ATP11A: variants seen among roughly 807,000 people sequenced by gnomAD.
ATP11A encodes the protein phospholipid-transporting ATPase IH.
Under a neutral mutation model 154.4 loss-of-function variants are expected in ATP11A, and 81 were observed. The ratio of observed to expected loss-of-function variants is 0.52; its 90% CI spans 0.44 to 0.63. The LOEUF (loss-of-function observed/expected upper bound fraction) is 0.63, where lower values mean the gene tolerates loss of function less well. Among genes scored for constraint, ATP11A ranks in the 30% least tolerant of loss-of-function variants. The pLI is 0.00. For synonymous variants in ATP11A, 623 were observed against 585.9 expected, an observed-to-expected ratio of 1.06 and a Z score of -0.91; for missense variants, 1,316 against 1,474.3, an observed-to-expected ratio of 0.89 and a Z score of 1.76.
At chr13:112,845,885 C>T (rs563409210) in intron 17 of ATP11A, among the ~76,000 whole-genome samples, 5 of 152,122 alleles carry the variant, frequency 3.3e-5, no homozygotes, top group East Asian at 1.9e-4. Context: ...GTTCATTTGC[C>T]GGGCACTCGC....
chr13:112,801,997 T>C (rs2078146134), intron 2 of ATP11A, among the ~76,000 whole-genome samples: 1 of 152,208 alleles, frequency 6.6e-6, no homozygotes, highest in Non-Finnish European at 1.5e-5. Flanking sequence ...TAGCCCACTT[T>C]AGGACTTACT....
At chr13:112,808,976 G>A (rs77530777) in intron 4 of ATP11A, among the ~76,000 whole-genome samples, 5 of 152,184 alleles carry the variant, frequency 3.3e-5, no homozygotes, top group African/African-American at 7.2e-5. Context: ...GCGTCTTCCC[G>A]CAGCCCGGGC....
rs113440456 is a variant in ATP11A at position 112,843,710 on chromosome 13, G to T, written c.1809+1331G>T. On this transcript the variant is annotated intron_variant, in intron 17 of 29. Transcript: ENST00000375645. ...TCAGTCGCAACACTTGATTACTGTA[G>T]ATGTCAGAGCATTAAGAATTCCTGC... is the stretch of plus-strand genomic sequence containing the variant. Among the ~76,000 whole-genome samples, 1,277 of 152,326 alleles carry T rather than the reference G, an allele frequency of 8.4e-3. 20 individuals are homozygous for T. The highest frequency in any genetic ancestry group is 0.053 in the East Asian group (272 of 5,180).
intron 12 of ATP11A, among the ~76,000 whole-genome samples, chr13:112,827,689 G>A (rs1200990500): frequency 6.6e-6 from 1 of 152,214 alleles, no homozygotes; most frequent in South Asian, 2.1e-4. Context: ...GATTTTGAAG[G>A]ATATTTTAGC....
chr13:112,832,484 C>T (rs1190406242), intron 13 of ATP11A, among the ~76,000 whole-genome samples: 2 of 152,214 alleles, frequency 1.3e-5, no homozygotes, highest in Non-Finnish European at 2.9e-5. Flanking sequence ...AGGGCAGAGG[C>T]ACAGCCAGGG....
intron 16 of ATP11A, among the ~76,000 whole-genome samples, chr13:112,840,579 C>T (rs1395697481): frequency 1.4e-5 from 2 of 144,412 alleles, no homozygotes; most frequent in African/African-American, 5.1e-5. Context: ...CTCCGTCCTC[C>T]CCCATGCCCT....
chr13:112,809,174 T>C (rs567382106), intron 4 of ATP11A, among the ~76,000 whole-genome samples: 46 of 152,098 alleles, frequency 3.0e-4, no homozygotes, highest in Non-Finnish European at 5.0e-4. Flanking sequence ...AACCCAGGAA[T>C]CATCTACCCA....
chr13:112,858,588 T>A (rs2080005215), intron 22 of ATP11A: 1 of 268,354 alleles, frequency 3.7e-6, no homozygotes, highest in South Asian at 5.5e-5. Flanking sequence ...TGATGAAGTC[T>A]CACGCCGTCC....
At chr13:112,796,282 A>G (rs1427542262) in intron 2 of ATP11A, among the ~76,000 whole-genome samples, 1 of 152,220 alleles carries the variant, frequency 6.6e-6, no homozygotes, top group Non-Finnish European at 1.5e-5. Context: ...ATGGCCTCCC[A>G]CAGATGTCCA....
At chr13:112,734,098 GA>G (rs1890757812) in intron 1 of ATP11A, among the ~76,000 whole-genome samples, 1 of 152,114 alleles carries the variant, frequency 6.6e-6, no homozygotes, top group Admixed American at 6.6e-5. Context: ...AGTAGACAGT[GA>G]GCCACCAGGA....
chr13:112,755,337 G>C (rs1425307564), intron 1 of ATP11A, among the ~76,000 whole-genome samples: 1 of 152,028 alleles, frequency 6.6e-6, no homozygotes, highest in Non-Finnish European at 1.5e-5. Flanking sequence ...TTGGATCCTA[G>C]AACTCTGCCC....
chr13:112,705,462 G>A (rs757850668), intron 1 of ATP11A, among the ~76,000 whole-genome samples: 1 of 138,932 alleles, frequency 7.2e-6, no homozygotes, highest in Non-Finnish European at 1.5e-5. Context: ...AAGAGGTACA[G>A]GCGCCCCAGC....
At chr13:112,771,452 A>T (rs1317796209) in intron 1 of ATP11A, among the ~76,000 whole-genome samples, 3 of 152,214 alleles carry the variant, frequency 2.0e-5, no homozygotes, top group Admixed American at 2.0e-4. Context: ...CGGAGGACAC[A>T]GCTGCATGGT....
intron 1 of ATP11A, among the ~76,000 whole-genome samples, chr13:112,778,171 C>T (rs2077394329): frequency 6.6e-6 from 1 of 152,226 alleles, no homozygotes; most frequent in African/African-American, 2.4e-5. Context: ...GCCAGGTGAG[C>T]AGCTGATGTG....
At chr13:112,822,552 T>G (rs2078826268) in intron 8 of ATP11A, among the ~76,000 whole-genome samples, 1 of 152,102 alleles carries the variant, frequency 6.6e-6, no homozygotes, top group Admixed American at 6.5e-5. Context: ...GGAATAAGAC[T>G]GTGTTTCATG....
chr13:112,848,834 T>G lies in ATP11A; in HGVS notation c.1810-2203T>G, dbSNP rs373314818. On this transcript the variant is annotated intron_variant, in intron 17 of 29. Transcript: ENST00000375645. The stretch of plus-strand genomic sequence containing the variant: ...TCCCGAGTAACTGGGATTATAGGCA[T>G]GCACCACCACGCCTGGCTAATTTTT... Among the ~76,000 whole-genome samples the G allele has an allele frequency of 7.9e-5, 12 of 152,328 alleles. No individual in the cohort carries two copies. The East Asian group carries it at 1.4e-3, about 17-fold the overall frequency.
intron 16 of ATP11A, among the ~76,000 whole-genome samples, chr13:112,840,136 G>C (rs1270470596): frequency 1.4e-3 from 175 of 126,406 alleles, no homozygotes; most frequent in Middle Eastern, 5.6e-3. Context: ...ACTCTCCCGT[G>C]CCCTCCAGCC....
Position 112,729,526 on chromosome 13 carries a change from C to T in ATP11A, c.39+39071C>T, listed in dbSNP as rs535534238. On this transcript the variant is annotated intron_variant, in intron 1 of 29. Coordinates refer to ENST00000375645, the MANE Select transcript of ATP11A (RefSeq NM_015205.3). ...TCGGAAGGCACTGAGGCAGCGCAGT[C>T]CCCACCTTGGCATTGCAGGCCCGGA... 3.6e-3 allele frequency among the ~76,000 whole-genome samples: 551 copies of T among 151,906 alleles called. 3 individuals carry two copies. The highest frequency in any genetic ancestry group is 0.013 in the African/African-American group (519 of 41,358).
At position 112,882,899 on chromosome 13, in the gene ATP11A, G is replaced by A. The variant is rs2140458102; in HGVS notation, c.*1033G>A. 2.5e-6 allele frequency: 1 copy of A among 398,894 alleles called. No individual in the cohort carries two copies. Among genetic ancestry groups the A allele is most frequent in the Non-Finnish European group, 4.4e-6 (1 of 226,298 alleles). 24.7% of individuals were successfully genotyped at this position (398,894 alleles called of 1,614,324 possible). On this transcript the variant is annotated 3_prime_UTR_variant, in exon 30 of 30. Coordinates refer to ENST00000375645, the MANE Select transcript of ATP11A (RefSeq NM_015205.3). This position sits in a 1 kb window ranked among gnomAD's most constrained non-coding sequence, Gnocchi z 5.1. Reference sequence around the variant, plus strand: ...CGTGCACCAGAACCTGTCTCGGGCTGACGGGGGTGGCACACAGGACACGGG... The same window carrying A: ...CGTGCACCAGAACCTGTCTCGGGCTAACGGGGGTGGCACACAGGACACGGG...
Sources: gnomAD v4.1 joint callset for allele counts (sites outside exome capture counted in the v4.1 genomes callset) on GRCh38, gnomAD v4.1.1 for gene constraint, Gnocchi (gnomAD v3.1) non-coding constraint, MANE v1.5 for transcripts, NCBI Gene and HGNC (gene_info 2026-07-23, HGNC 2026-07-21) for gene names.